Variants in PTPRD observed in about 807,000 individuals in gnomAD.
PTPRD encodes the protein protein tyrosine phosphatase receptor type D.
In PTPRD, 34 loss-of-function variants were observed where a neutral mutation model predicts 214.5. The observed-to-expected ratio is 0.16, with a 90% confidence interval of 0.12 to 0.21. The LOEUF is 0.21. PTPRD is among the 10% of genes least tolerant of loss of function. The pLI is 1.00. For missense variants in PTPRD, 2,545 were observed against 2,398.7 expected (o/e 1.06, Z -1.27); for synonymous variants, 1,128 against 845.7 (o/e 1.33, Z -5.79).
intron 10 of PTPRD, among the ~76,000 whole-genome samples, chr9:9,063,239 T>A (rs1471405700): frequency 2.0e-5 from 3 of 152,134 alleles, no homozygotes; most frequent in Non-Finnish European, 2.9e-5. Flanking sequence ...AAAAAAACAG[T>A]AGATAAACTT....
At chr9:9,628,176 T>C (rs2095481051) in intron 7 of PTPRD, among the ~76,000 whole-genome samples, 1 of 152,184 alleles carries the variant, frequency 6.6e-6, no homozygotes, top group South Asian at 2.1e-4. Flanking sequence ...TGACACTATT[T>C]CTTAATTTTT....
intron 5 of PTPRD, among the ~76,000 whole-genome samples, chr9:9,787,098 C>G (rs2098930235): frequency 6.6e-6 from 1 of 151,628 alleles, no homozygotes; most frequent in South Asian, 2.1e-4. Flanking sequence ...GATCGCACCA[C>G]TACACTCCAG....
At chr9:10,228,778 G>T (rs931327326) in intron 3 of PTPRD, among the ~76,000 whole-genome samples, 76 of 149,140 alleles carry the variant, frequency 5.1e-4, no homozygotes, top group African/African-American at 1.8e-3. Flanking sequence ...GTATAAATAT[G>T]TGATATAAAA....
chr9:10,115,055 A>C (rs1161807452), intron 3 of PTPRD, among the ~76,000 whole-genome samples: 1 of 150,714 alleles, frequency 6.6e-6, no homozygotes, highest in Non-Finnish European at 1.5e-5. Context: ...GAAAAAAAAA[A>C]CCTTCAAAGT....
chr9:9,698,087 C>T (rs2097417840), intron 7 of PTPRD, among the ~76,000 whole-genome samples: 1 of 152,114 alleles, frequency 6.6e-6, no homozygotes, highest in African/African-American at 2.4e-5. Flanking sequence ...CTTCAGATTA[C>T]TATTTTGGAT....
chr9:9,011,676 A>G (rs1204334638), intron 11 of PTPRD, among the ~76,000 whole-genome samples: 2 of 152,104 alleles, frequency 1.3e-5, no homozygotes, highest in Non-Finnish European at 2.9e-5. Context: ...TATAATGATA[A>G]CTCTACACCC....
intron 8 of PTPRD, among the ~76,000 whole-genome samples, chr9:9,482,663 T>C (rs1347675517): frequency 3.3e-5 from 5 of 152,204 alleles, no homozygotes; most frequent in Admixed American, 6.6e-5. Flanking sequence ...TATCCGTAGA[T>C]GGCAGTGGTT....
intron 36 of PTPRD, among the ~76,000 whole-genome samples, chr9:8,399,156 T>C (rs1407052496): frequency 6.7e-6 from 1 of 149,472 alleles, no homozygotes. Context: ...AGATTTAATA[T>C]TTATTTGCCT....
chr9:9,831,172 G>T (rs1396057852), intron 5 of PTPRD, among the ~76,000 whole-genome samples: 1 of 151,908 alleles, frequency 6.6e-6, no homozygotes, highest in Admixed American at 6.6e-5. Context: ...TGACAGCATG[G>T]TTGAGTAGGT....
At chr9:10,239,290 G>A (rs2382197) in intron 3 of PTPRD, among the ~76,000 whole-genome samples, 100,965 of 151,508 alleles carry the variant, frequency 0.67, 34,871 homozygotes, top group Non-Finnish European at 0.76. Context: ...GACTAAAATG[G>A]TATAATAAAT....
chr9:9,186,674 C>CACACAA (rs1554942127), intron 9 of PTPRD, among the ~76,000 whole-genome samples: 3 of 151,766 alleles, frequency 2.0e-5, no homozygotes, highest in African/African-American at 7.3e-5. Flanking sequence ...CTCACACACA[C>CACACAA]ACACACAAAC....
intron 2 of PTPRD, among the ~76,000 whole-genome samples, chr9:10,375,430 A>G (rs1535665): frequency 0.87 from 132,464 of 151,716 alleles, 57,882 homozygotes; most frequent in African/African-American, 0.92. Flanking sequence ...TTTAATAACC[A>G]TGAGACTACC....
intron 21 of PTPRD, among the ~76,000 whole-genome samples, chr9:8,511,071 A>T (rs1014618998): frequency 2.0e-5 from 3 of 151,718 alleles, no homozygotes; most frequent in African/African-American, 7.3e-5. Flanking sequence ...TTTTATTTAT[A>T]TATTTATTTA....
At chr9:8,828,635 T>C (rs1246540695) in intron 11 of PTPRD, among the ~76,000 whole-genome samples, 1 of 152,194 alleles carries the variant, frequency 6.6e-6, no homozygotes, top group Non-Finnish European at 1.5e-5. Context: ...TGCTGCTGAA[T>C]TGATACCAGG....
chr9:9,997,285 A>ATTT (rs60029845), intron 4 of PTPRD, among the ~76,000 whole-genome samples: 29 of 143,328 alleles, frequency 2.0e-4, no homozygotes, highest in African/African-American at 3.3e-4. Context: ...AAGATAAGCA[A>ATTT]TTTTTTTTTT....
At chr9:9,676,264 T>C (rs2096927371) in intron 7 of PTPRD, among the ~76,000 whole-genome samples, 1 of 150,260 alleles carries the variant, frequency 6.7e-6, no homozygotes, top group Non-Finnish European at 1.5e-5. Context: ...CTCCTAATGC[T>C]ATCCCTCCAC....
chr9:10,124,700 AATT>A (rs35636634), intron 3 of PTPRD, among the ~76,000 whole-genome samples: 7,852 of 152,184 alleles, frequency 0.052, 292 homozygotes, highest in Admixed American at 0.097. Context: ...ATTATTGTTT[AATT>A]ATTATTGTTT....
chr9:10,078,188 T>C (rs993587554), intron 3 of PTPRD, among the ~76,000 whole-genome samples: 4 of 151,752 alleles, frequency 2.6e-5, no homozygotes, highest in African/African-American at 9.7e-5. Flanking sequence ...TACCAATAAT[T>C]ATGCAAAATC....
chr9:9,989,596 T>G (rs1216870033), intron 4 of PTPRD, among the ~76,000 whole-genome samples: 2 of 152,100 alleles, frequency 1.3e-5, no homozygotes, highest in Admixed American at 1.3e-4. Context: ...ATCTTCCATA[T>G]TCACCACCCT....
Sources: gnomAD v4.1 joint callset for allele counts (sites outside exome capture counted in the v4.1 genomes callset) on GRCh38, gnomAD v4.1.1 for gene constraint, MANE v1.5 for transcripts, NCBI Gene and HGNC (gene_info 2026-07-23, HGNC 2026-07-21) for gene names.